RNF180: variants seen among roughly 807,000 people sequenced by gnomAD.
The protein encoded by RNF180 is E3 ubiquitin-protein ligase RNF180.
RNF180 carries 38 observed loss-of-function variants against 59.2 expected under a neutral mutation model. The ratio of observed to expected loss-of-function variants is 0.64; its 90% CI spans 0.50 to 0.84. The LOEUF (loss-of-function observed/expected upper bound fraction) is 0.84. Among genes scored for constraint, RNF180 ranks in the 40% least tolerant of loss-of-function variants. The pLI is 0.00. For synonymous variants in RNF180, 262 were observed against 240.3 expected, an observed-to-expected ratio of 1.09 and a Z score of -0.84; for missense variants, 705 against 700.9, an observed-to-expected ratio of 1.01 and a Z score of -0.07.
At chr5:64,291,430 T>TTC (rs1742578226) in intron 5 of RNF180, among the ~76,000 whole-genome samples, 1 of 138,054 alleles carries the variant, frequency 7.2e-6, no homozygotes, top group African/African-American at 2.7e-5. Context: ...TTTTTTTTTT[T>TTC]TTTTTTTTTT....
chr5:64,309,217 T>C (rs1743627700), intron 5 of RNF180, among the ~76,000 whole-genome samples: 1 of 151,778 alleles, frequency 6.6e-6, no homozygotes. Flanking sequence ...AGAGCAGTTA[T>C]ATACCTTCAA....
In RNF180 at chr5:64,325,166, A is replaced by G. The variant is rs1345930262; in HGVS notation, c.1228-20A>G. On this transcript the variant is annotated intron_variant, in intron 5 of 7. Transcript: ENST00000389100. ...CAATCTCATACTAAATTAAGAAAAA[A>G]GTTTTCTTATGTTTTGCAGACTTTG... 15 of 1,476,812 alleles carry G rather than the reference A, an allele frequency of 1.0e-5. No individual in the cohort carries two copies. Among genetic ancestry groups the G allele is most frequent in the Admixed American group, 2.0e-5 (1 of 49,854 alleles). 91.5% of individuals were successfully genotyped at this position (1,476,812 alleles called of 1,614,324 possible).
intron 5 of RNF180, among the ~76,000 whole-genome samples, chr5:64,309,600 G>A (rs1743654166): frequency 6.6e-6 from 1 of 151,256 alleles, no homozygotes; most frequent in South Asian, 2.1e-4. Context: ...TGGTGTGTTT[G>A]TTTTAATTAT....
intron 5 of RNF180, among the ~76,000 whole-genome samples, chr5:64,270,151 T>G (rs1298743577): frequency 3.9e-5 from 6 of 152,186 alleles, no homozygotes; most frequent in South Asian, 4.1e-4. Flanking sequence ...GGGTAAACCA[T>G]TGTATTAATA....
Position 64,363,489 on chromosome 5 carries a change from G to A in RNF180, c.1580-6126G>A, listed in dbSNP as rs990616139. On this transcript the variant is annotated intron_variant, in intron 7 of 7. Coordinates refer to ENST00000389100, the MANE Select transcript of RNF180 (RefSeq NM_001113561.2). ...GTACCATGCTGTTTTGGTTGCTATC[G>A]CCCTGTAGTATAGTTTGAAGGCAGC... 2.8e-4 allele frequency among the ~76,000 whole-genome samples: 42 copies of A among 151,784 alleles called. 1 individual carries two copies. The highest frequency in any genetic ancestry group is 7.7e-4 in the African/African-American group (32 of 41,440).
chr5:64,208,829 G>GA (rs1752159463), intron 2 of RNF180, among the ~76,000 whole-genome samples: 3 of 151,620 alleles, frequency 2.0e-5, no homozygotes, highest in Non-Finnish European at 4.4e-5. Flanking sequence ...CTATTTAAAA[G>GA]AAAAAAATAT....
chr5:64,165,571 A>G (rs1749577292), upstream of RNF180, among the ~76,000 whole-genome samples: 1 of 152,206 alleles, frequency 6.6e-6, no homozygotes, highest in Non-Finnish European at 1.5e-5. Context: ...GACCACAGGG[A>G]TAATTTCTGT....
At chr5:64,256,134 C>A (rs575564957) in intron 5 of RNF180, among the ~76,000 whole-genome samples, 182 of 152,044 alleles carry the variant, frequency 1.2e-3, no homozygotes, top group African/African-American at 4.2e-3. Flanking sequence ...CAAAAATTTT[C>A]TCCCATTCTG....
intron 7 of RNF180, among the ~76,000 whole-genome samples, chr5:64,342,923 A>G (rs1745412370): frequency 6.6e-6 from 1 of 152,146 alleles, no homozygotes; most frequent in South Asian, 2.1e-4. Context: ...TTGAAATTAG[A>G]TTGAGTATAA....
intron 2 of RNF180, among the ~76,000 whole-genome samples, chr5:64,204,977 A>G (rs1358781155): frequency 6.6e-6 from 1 of 152,172 alleles, no homozygotes; most frequent in African/African-American, 2.4e-5. Flanking sequence ...CTGGGGAAAC[A>G]ACATCAATAG....
intron 5 of RNF180, among the ~76,000 whole-genome samples, chr5:64,312,586 G>A (rs1381908197): frequency 2.6e-5 from 4 of 152,094 alleles, no homozygotes; most frequent in African/African-American, 9.7e-5. Context: ...ATTGTAACTT[G>A]TTACTTTGCA....
At chr5:64,349,623 T>C (rs1174429940) in intron 7 of RNF180, among the ~76,000 whole-genome samples, 1 of 151,972 alleles carries the variant, frequency 6.6e-6, no homozygotes, top group Non-Finnish European at 1.5e-5. Flanking sequence ...GTGTGTGATG[T>C]TCCCCTTCCT....
At chr5:64,331,410 A>G (rs1354682458) in intron 7 of RNF180, among the ~76,000 whole-genome samples, 1 of 152,202 alleles carries the variant, frequency 6.6e-6, no homozygotes, top group Non-Finnish European at 1.5e-5. Flanking sequence ...ATGGCCACCC[A>G]TGAACCAGTC....
chr5:64,351,136 G>A (rs1481513267), intron 7 of RNF180, among the ~76,000 whole-genome samples: 1 of 151,928 alleles, frequency 6.6e-6, no homozygotes, highest in Non-Finnish European at 1.5e-5. Flanking sequence ...TCCCTTGTAA[G>A]TTGGATTCCT....
chr5:64,276,356 G>GTGTA (rs1554038837), intron 5 of RNF180, among the ~76,000 whole-genome samples: 20 of 143,552 alleles, frequency 1.4e-4, no homozygotes, highest in Non-Finnish European at 3.0e-4. Context: ...GTGTGTGTGT[G>GTGTA]TGTACAAAAA....
At chr5:64,362,262 CG>C (rs1221035204) in intron 7 of RNF180, among the ~76,000 whole-genome samples, 6 of 151,480 alleles carry the variant, frequency 4.0e-5, no homozygotes, top group Admixed American at 4.0e-4. Context: ...TGATAGGCCC[CG>C]GTGTCTACTG....
At chr5:64,235,867 A>G (rs576528076) in intron 5 of RNF180, among the ~76,000 whole-genome samples, 9 of 152,248 alleles carry the variant, frequency 5.9e-5, no homozygotes, top group South Asian at 4.2e-4. Flanking sequence ...ACCTTCCACC[A>G]TGATTGCAAG....
chr5:64,220,920 A>T (rs1255752246), intron 5 of RNF180, among the ~76,000 whole-genome samples: 1 of 152,108 alleles, frequency 6.6e-6, no homozygotes, highest in African/African-American at 2.4e-5. Context: ...GACTTGTATT[A>T]TTAAAAGGGT....
chr5:64,211,957 C>T, intron 2 of RNF180, 108 bp from the exon 3 acceptor site: 1 of 602,064 alleles, frequency 1.7e-6, no homozygotes, highest in Non-Finnish European at 2.9e-6. Context: ...TGTATATTTG[C>T]CTTCTAGCTA....
Sources: gnomAD v4.1 joint callset for allele counts (sites outside exome capture counted in the v4.1 genomes callset) on GRCh38, gnomAD v4.1.1 for gene constraint, MANE v1.5 for transcripts, NCBI Gene and HGNC (gene_info 2026-07-23, HGNC 2026-07-21) for gene names.